The following IKZF4 variants were observed in gnomAD, a reference collection of about 807,000 sequenced individuals.
IKZF4 encodes the protein IKAROS family zinc finger 4, also known as zinc finger protein Eos.
Under a neutral mutation model 47.7 loss-of-function variants are expected in IKZF4, and 11 were observed. That is an observed-to-expected ratio of 0.23 (90% CI 0.15 to 0.38). The LOEUF is 0.38. IKZF4 is among the 10% of genes least tolerant of loss of function. The pLI is 1.00. For synonymous variants in IKZF4, 298 were observed against 299.4 expected (o/e 1.00, Z 0.05); for missense variants, 557 against 784.9 (o/e 0.71, Z 3.47).
chr12:56,029,704 G>C (rs763273697), intron 5 of IKZF4: 3 of 152,160 alleles, frequency 2.0e-5, no homozygotes, highest in African/African-American at 7.2e-5. Flanking sequence ...TTCTCCATGT[G>C]ATCCTCATAA....
At chr12:56,019,312 C>G, upstream of IKZF4, 2 of 973,518 alleles carry the variant, frequency 2.1e-6, no homozygotes, top group Non-Finnish European at 2.4e-6. Context: ...ATTTTTTACT[C>G]TAAAGTAGGA....
intron 2 of IKZF4, among the ~76,000 whole-genome samples, chr12:56,012,596 G>A (rs1891475146): frequency 6.8e-6 from 1 of 148,050 alleles, no homozygotes; most frequent in Non-Finnish European, 1.5e-5. Context: ...TTTTTTTTTA[G>A]TGTCTCAGTG....
At chr12:56,021,806 G>C (rs1316421402) in intron 1 of IKZF4, 2 of 654,450 alleles carry the variant, frequency 3.1e-6, no homozygotes, top group Non-Finnish European at 5.1e-6. Flanking sequence ...AGCAAAGACG[G>C]CGACTTGGAC....
chr12:56,023,852 A>T, intron 2 of IKZF4, 88 bp downstream of exon 2: 1 of 1,535,082 alleles, frequency 6.5e-7, no homozygotes, highest in East Asian at 2.5e-5. Context: ...TCTTTCTTGC[A>T]CTCTCCCTTG....
At chr12:56,034,500 CAAAG>C in intron 7 of IKZF4, 67 bp from the exon 8 acceptor site, 1 of 1,469,966 alleles carries the variant, frequency 6.8e-7, no homozygotes. Flanking sequence ...GGTAAAAAAA[CAAAG>C]AAGTAATCCT....
chr12:56,033,655 G>A (rs189881223), intron 7 of IKZF4, among the ~76,000 whole-genome samples: 27 of 152,046 alleles, frequency 1.8e-4, no homozygotes, highest in African/African-American at 4.3e-4. Flanking sequence ...TGCAGTGAGC[G>A]GAGATCGCGC....
chr12:56,021,835 C>A, intron 1 of IKZF4: 1 of 574,510 alleles, frequency 1.7e-6, no homozygotes. Flanking sequence ...CCTATGGTGA[C>A]ATCTTGATTA....
At chr12:56,008,627 A>G (rs1467312699) in intron 1 of IKZF4, among the ~76,000 whole-genome samples, 1 of 151,554 alleles carries the variant, frequency 6.6e-6, no homozygotes, top group Non-Finnish European at 1.5e-5. Context: ...TTGTACCCCA[A>G]TCCCCATCCA....
chr12:56,017,277 A>C (rs1565812860), upstream of IKZF4, among the ~76,000 whole-genome samples: 1 of 119,888 alleles, frequency 8.3e-6, no homozygotes, highest in African/African-American at 3.3e-5. Context: ...GTGGTAGAGT[A>C]ATTGATGAGA....
rs1277557349 is a variant in IKZF4, at chr12:56,035,511, AT to A, written c.*182del. 2 of 542,894 alleles carry A rather than the reference AT, an allele frequency of 3.7e-6. No homozygotes were observed. Among genetic ancestry groups the A allele is most frequent in the Non-Finnish European group, 6.4e-6 (2 of 313,920 alleles). 33.6% of individuals were successfully genotyped at this position (542,894 alleles called of 1,614,324 possible). A position where few individuals can be genotyped will look rare whatever the true frequency, so the allele number is the denominator to read the frequency against. On this transcript the variant is annotated 3_prime_UTR_variant, in exon 8 of 8. Transcript: ENST00000547167. The surrounding 1 kb of genome is among the most constrained non-coding windows in gnomAD (Gnocchi z 6.1). ...TTCCTCTATCCTGACCGATGTAAGCATTGTGATGAAACAGATCTTTTGCTTA... is the reference window on the plus strand; with the variant it reads ...TTCCTCTATCCTGACCGATGTAAGCATGTGATGAAACAGATCTTTTGCTTA...
intron 5 of IKZF4, among the ~76,000 whole-genome samples, chr12:56,029,078 G>T (rs1038908551): frequency 6.6e-6 from 1 of 152,018 alleles, no homozygotes; most frequent in Non-Finnish European, 1.5e-5. Context: ...CTTCCTTCTG[G>T]CTCCTGGAAA....
Position 56,021,355 on chromosome 12 carries a change from G to T in IKZF4, c.-139G>T, listed in dbSNP as rs777922576. Reference sequence around the variant, plus strand: ...CACCCTGGGCTGAGCTGCTCTTGCTGGCTGCAGCCGTGGGCCTCTGCTCAC... The same window carrying T: ...CACCCTGGGCTGAGCTGCTCTTGCTTGCTGCAGCCGTGGGCCTCTGCTCAC... On this transcript the variant is annotated 5_prime_UTR_variant, in exon 1 of 8. Transcript: ENST00000547167. The T allele has an allele frequency of 6.5e-7, 1 of 1,540,858 alleles. No homozygotes were observed. Among genetic ancestry groups the T allele is most frequent in the South Asian group, 1.2e-5 (1 of 83,908 alleles).
intron 2 of IKZF4, among the ~76,000 whole-genome samples, chr12:56,015,997 A>G (rs1471513996): frequency 6.6e-6 from 1 of 152,056 alleles, no homozygotes; most frequent in African/African-American, 2.4e-5. Flanking sequence ...AAACTTAGAG[A>G]ATTTTTTTCT....
rs143123221 is a variant in IKZF4 at position 56,010,621 on chromosome 12, G to A, written c.-291-796G>A. ...AATAACCCAAGAAAGAAGGCAAGCA[G>A]GGTGGCCCAAATCTTCCAACTGGGG... On this transcript the variant is annotated intron_variant, in intron 1 of 11. Coordinates refer to the IKZF4 transcript ENST00000262032. 1.2e-4 allele frequency: 19 copies of A among 152,276 alleles called. No homozygotes were observed. The East Asian group carries it at 3.3e-3, about 26-fold the overall frequency. The allele number at this position is 152,276 out of a possible 1,614,324, so 9.4% of individuals were successfully genotyped here.
chr12:56,029,280 C>G (rs1045517430), intron 5 of IKZF4, among the ~76,000 whole-genome samples: 2 of 152,212 alleles, frequency 1.3e-5, no homozygotes, highest in African/African-American at 2.4e-5. Context: ...CTAGCCCAGT[C>G]AAGACTGTTT....
At chr12:56,031,032 T>A (rs1314954505) in intron 5 of IKZF4, among the ~76,000 whole-genome samples, 1 of 152,214 alleles carries the variant, frequency 6.6e-6, no homozygotes, top group Non-Finnish European at 1.5e-5. Context: ...GGCAGACAGA[T>A]CATGAGGTCA....
At chr12:56,033,724 AAAAAG>A (rs981193898) in intron 7 of IKZF4, among the ~76,000 whole-genome samples, 10 of 152,048 alleles carry the variant, frequency 6.6e-5, no homozygotes, top group African/African-American at 1.4e-4. Context: ...AGAAAAAAGA[AAAAAG>A]GAAAGAAAGA....
Position 56,021,507 on chromosome 12 carries a change from CCGCA to C in IKZF4, c.16_19del (p.Ala6SerfsTer47). 6.2e-7 allele frequency: 1 copy of C among 1,604,970 alleles called. No individual in the cohort carries two copies. Among genetic ancestry groups the C allele is most frequent in the Non-Finnish European group, 8.5e-7 (1 of 1,176,468 alleles). The stretch of plus-strand genomic sequence containing the variant: ...TGAGACGCAGACATGCATACACCAC[CCGCA>C]CTCCCTCGCCGTTTCCAAGGCGGCG... On this transcript the variant is annotated frameshift_variant, in exon 1 of 8. Coordinates refer to ENST00000547167, the MANE Select transcript of IKZF4 (RefSeq NM_022465.4). LOFTEE classifies it high-confidence loss of function.
Position 56,024,977 on chromosome 12 carries a change from T to G in IKZF4, c.182-77T>G, listed in dbSNP as rs145000627. 5.7e-5 allele frequency: 89 copies of G among 1,548,534 alleles called. No individual in the cohort carries two copies. The African/African-American group carries it at 9.6e-4, about 17-fold the overall frequency. ...AAATGTTTGTGAAATTTAACTGAAT[T>G]TTTTTAAAAGATTAGGCAATGGACA... is the stretch of plus-strand genomic sequence containing the variant. On this transcript the variant is annotated intron_variant, in intron 2 of 7. Transcript: ENST00000547167.
Sources: gnomAD v4.1 joint callset for allele counts (sites outside exome capture counted in the v4.1 genomes callset) on GRCh38, gnomAD v4.1.1 for gene constraint, Gnocchi (gnomAD v3.1) non-coding constraint, MANE v1.5 for transcripts, NCBI Gene and HGNC (gene_info 2026-07-23, HGNC 2026-07-21) for gene names.